The following CATSPERT variants were observed in gnomAD, a reference collection of about 807,000 sequenced individuals.
The protein encoded by CATSPERT is catsper channel auxiliary subunit tau, also known as cation channel sperm-associated targeting subunit tau.
the CATSPERT span, among the ~76,000 whole-genome samples, chr2:201,501,395 CAAAAAAA>C: frequency 5.8e-4 from 27 of 46,598 alleles, no homozygotes; most frequent in South Asian, 2.1e-3. Context: ...AACTCCATCT[CAAAAAAA>C]AAAAAAAAAA....
At chr2:201,495,205 T>C in the CATSPERT span, among the ~76,000 whole-genome samples, 1 of 152,020 alleles carries the variant, frequency 6.6e-6, no homozygotes, top group Non-Finnish European at 1.5e-5. Context: ...GAAATGAAAC[T>C]CATGAAAAGT....
the CATSPERT span, chr2:201,574,204 C>G: frequency 1.9e-6 from 3 of 1,596,662 alleles, no homozygotes; most frequent in South Asian, 1.1e-5. Flanking sequence ...AAGAGGGGAA[C>G]TAACCTGATG....
chr2:201,611,840 T>C, the CATSPERT span, among the ~76,000 whole-genome samples: 1 of 152,194 alleles, frequency 6.6e-6, no homozygotes, highest in East Asian at 1.9e-4. Context: ...TCAATTTGAT[T>C]CCCCTTTGCC....
chr2:201,554,749 T>C, the CATSPERT span: 1 of 152,230 alleles, frequency 6.6e-6, no homozygotes, highest in African/African-American at 2.4e-5. Context: ...TACATTCTCT[T>C]TGAAGCAACA....
the CATSPERT span, among the ~76,000 whole-genome samples, chr2:201,617,335 T>C: frequency 5.3e-5 from 8 of 152,132 alleles, no homozygotes; most frequent in African/African-American, 1.9e-4. Flanking sequence ...AACCAAAACA[T>C]CATGGTACTG....
the CATSPERT span, among the ~76,000 whole-genome samples, chr2:201,529,274 A>G: frequency 1.3e-5 from 2 of 152,182 alleles, no homozygotes; most frequent in Non-Finnish European, 2.9e-5. Flanking sequence ...GAACCATAAA[A>G]TACCCCAAAC....
the CATSPERT span, among the ~76,000 whole-genome samples, chr2:201,527,746 C>T: frequency 6.6e-6 from 1 of 152,038 alleles, no homozygotes; most frequent in Non-Finnish European, 1.5e-5. Context: ...TCACCATCTA[C>T]CAAAATCAAC....
At chr2:201,532,417 A>C in the CATSPERT span, among the ~76,000 whole-genome samples, 1 of 152,204 alleles carries the variant, frequency 6.6e-6, no homozygotes, top group Non-Finnish European at 1.5e-5. Context: ...GGTGAAATTA[A>C]GAATTCAGTC....
the CATSPERT span, among the ~76,000 whole-genome samples, chr2:201,512,772 G>A: frequency 6.6e-6 from 1 of 152,110 alleles, no homozygotes; most frequent in African/African-American, 2.4e-5. Flanking sequence ...GAACATGTAA[G>A]TCTTAATTTC....
chr2:201,487,944 C>A, the CATSPERT span: 2 of 1,488,574 alleles, frequency 1.3e-6, no homozygotes, highest in Non-Finnish European at 1.8e-6. Flanking sequence ...AATTAGGTTT[C>A]TTAAAAGTAG....
the CATSPERT span, among the ~76,000 whole-genome samples, chr2:201,528,043 G>A: frequency 1.4e-5 from 2 of 141,338 alleles, no homozygotes; most frequent in African/African-American, 5.2e-5. Flanking sequence ...AATCTATAAG[G>A]AACTTGAATC....
the CATSPERT span, among the ~76,000 whole-genome samples, chr2:201,560,173 A>G: frequency 2.0e-5 from 3 of 152,146 alleles, no homozygotes; most frequent in Non-Finnish European, 4.4e-5. Flanking sequence ...CACACCTGTA[A>G]TCCCAGCACT....
At chr2:201,598,960 C>T in the CATSPERT span, among the ~76,000 whole-genome samples, 2 of 152,132 alleles carry the variant, frequency 1.3e-5, no homozygotes, top group African/African-American at 4.8e-5. Flanking sequence ...AAACTAGAGA[C>T]CATTCCTATA....
the CATSPERT span, among the ~76,000 whole-genome samples, chr2:201,590,942 C>T: frequency 6.6e-6 from 1 of 152,082 alleles, no homozygotes; most frequent in Non-Finnish European, 1.5e-5. Context: ...TGCCTGTTCA[C>T]TCTGATGGTA....
the CATSPERT span, among the ~76,000 whole-genome samples, chr2:201,600,041 A>C: frequency 1.3e-5 from 2 of 152,226 alleles, no homozygotes; most frequent in Non-Finnish European, 2.9e-5. Flanking sequence ...TTCCTCAAGG[A>C]TCTAGAACTA....
At chr2:201,541,531 TTATATATATATATATATATATATA>T in the CATSPERT span, among the ~76,000 whole-genome samples, 106 of 92,748 alleles carry the variant, frequency 1.1e-3, 1 homozygote, top group African/African-American at 3.9e-3. Flanking sequence ...TCAGATGATT[TTATATATATATATATATATATATA>T]TATATATATA....
chr2:201,493,235 G>C, the CATSPERT span: 1 of 1,536,492 alleles, frequency 6.5e-7, no homozygotes, highest in Non-Finnish European at 8.7e-7. Flanking sequence ...CAAAGCCTCT[G>C]ACCATTTCTT....
chr2:201,602,606 T>A, the CATSPERT span, among the ~76,000 whole-genome samples: 72 of 152,176 alleles, frequency 4.7e-4, no homozygotes, highest in Non-Finnish European at 9.7e-4. Context: ...CAAGAAGATA[T>A]ATATTTTTCC....
chr2:201,544,821 C>CAAAAAA, the CATSPERT span, among the ~76,000 whole-genome samples: 6 of 92,604 alleles, frequency 6.5e-5, no homozygotes, highest in Admixed American at 1.1e-4. Flanking sequence ...CCTGTCTCTA[C>CAAAAAA]AAAAAAAAAA....
Sources: gnomAD v4.1 joint callset for allele counts (sites outside exome capture counted in the v4.1 genomes callset) on GRCh38, gnomAD v4.1.1 for gene constraint, MANE v1.5 for transcripts, NCBI Gene and HGNC (gene_info 2026-07-23, HGNC 2026-07-21) for gene names.